The following IGSF23 variants were observed in gnomAD, a reference collection of about 807,000 sequenced individuals.
IGSF23 encodes the protein immunoglobulin superfamily, member 23.
IGSF23 carries 14 observed loss-of-function variants against 17.8 expected under a neutral mutation model. The observed-to-expected ratio is 0.79, with a 90% CI of 0.52 to 1.23. IGSF23 has a LOEUF of 1.23. Among genes scored for constraint, IGSF23 ranks in the 50% most tolerant of loss-of-function variants. The pLI is 0.00. For synonymous variants in IGSF23, 85 were observed against 92.5 expected, an observed-to-expected ratio of 0.92 and a Z score of 0.46; for missense variants, 214 against 241.7, an observed-to-expected ratio of 0.89 and a Z score of 0.76.
intron 1 of IGSF23, among the ~76,000 whole-genome samples, chr19:44,623,168 C>T (rs1015559757): frequency 2.6e-5 from 4 of 152,098 alleles, no homozygotes; most frequent in African/African-American, 9.7e-5. Context: ...GGCGAGGATT[C>T]AAGGACAGAT....
intron 3 of IGSF23, among the ~76,000 whole-genome samples, chr19:44,633,047 T>C (rs1972803518): frequency 6.6e-6 from 1 of 152,240 alleles, no homozygotes; most frequent in African/African-American, 2.4e-5. Flanking sequence ...TGGAAAACTT[T>C]ACCTTTCAAG....
chr19:44,633,253 G>C (rs1389906028), intron 3 of IGSF23, among the ~76,000 whole-genome samples: 1 of 152,150 alleles, frequency 6.6e-6, no homozygotes, highest in Non-Finnish European at 1.5e-5. Context: ...TTTACTCAGC[G>C]GCCACTGTTC....
intron 2 of IGSF23, 70 bp downstream of exon 2, chr19:44,624,042 T>A: frequency 1.5e-6 from 2 of 1,348,842 alleles, no homozygotes; most frequent in South Asian, 2.8e-5. Context: ...TGTGGCAGCC[T>A]CTATGATTCC....
intron 1 of IGSF23, among the ~76,000 whole-genome samples, chr19:44,619,782 G>A (rs772684757): frequency 5.3e-5 from 8 of 152,132 alleles, no homozygotes; most frequent in Admixed American, 1.3e-4. Flanking sequence ...AGTCAGGTTG[G>A]ATTAGGACCC....
intron 2 of IGSF23, among the ~76,000 whole-genome samples, chr19:44,625,408 A>C (rs1972622832): frequency 6.6e-6 from 1 of 152,202 alleles, no homozygotes; most frequent in Non-Finnish European, 1.5e-5. Flanking sequence ...GGTGGCAATC[A>C]AAATGACAGC....
intron 2 of IGSF23, among the ~76,000 whole-genome samples, chr19:44,626,475 A>C (rs846859): frequency 6.6e-6 from 1 of 152,022 alleles, no homozygotes; most frequent in Non-Finnish European, 1.5e-5. Context: ...CACAAGACTT[A>C]CAGTCCAGTG....
At chr19:44,625,033 C>T (rs1331159694) in intron 2 of IGSF23, among the ~76,000 whole-genome samples, 3 of 151,964 alleles carry the variant, frequency 2.0e-5, no homozygotes, top group African/African-American at 4.8e-5. Context: ...CACCACTGCA[C>T]ACCAGCCTGA....
chr19:44,631,894 G>A (rs1006952632), intron 3 of IGSF23, among the ~76,000 whole-genome samples: 2 of 152,190 alleles, frequency 1.3e-5, no homozygotes, highest in African/African-American at 4.8e-5. Flanking sequence ...CTTCCAGCGT[G>A]GGCGTCATGG....
Position 44,636,585 on chromosome 19 carries a change from C to T in IGSF23, c.*198C>T, listed in dbSNP as rs993337143. On this transcript the variant is annotated 3_prime_UTR_variant, in exon 5 of 5. Transcript: ENST00000402988. ...TCTGATGGGTTGACTCGGTGCCATC[C>T]TTGGTCCCATCGCCGTGACACGTTG... 3.9e-5 allele frequency: 6 copies of T among 152,178 alleles called. No individual in the cohort carries two copies. Among genetic ancestry groups the T allele is most frequent in the Admixed American group, 3.9e-4 (6 of 15,274 alleles). 9.4% of individuals were successfully genotyped at this position (152,178 alleles called of 1,614,324 possible).
At chr19:44,623,557 C>T in intron 1 of IGSF23, 150 bp from the exon 2 acceptor site, 1 of 840,448 alleles carries the variant, frequency 1.2e-6, no homozygotes, top group Non-Finnish European at 1.9e-6. Context: ...GCACTGGGCA[C>T]AGACCAGGCT....
chr19:44,624,763 T>C (rs1464615032), intron 2 of IGSF23, among the ~76,000 whole-genome samples: 3 of 151,622 alleles, frequency 2.0e-5, no homozygotes, highest in Non-Finnish European at 4.4e-5. Context: ...AAAATGCAGA[T>C]CAAAATCTAA....
intron 3 of IGSF23, among the ~76,000 whole-genome samples, chr19:44,633,649 T>C (rs1972818658): frequency 6.6e-6 from 1 of 152,222 alleles, no homozygotes; most frequent in South Asian, 2.1e-4. Context: ...GTGGGTTGAA[T>C]TGGCCACGTG....
intron 1 of IGSF23, 132 bp downstream of exon 1, chr19:44,613,902 T>G (rs1261132067): frequency 6.5e-7 from 1 of 1,548,644 alleles, no homozygotes; most frequent in East Asian, 2.4e-5. Flanking sequence ...AGACCTTCTC[T>G]GCACAGTCCC....
At chr19:44,622,078 C>T (rs1480042916) in intron 1 of IGSF23, among the ~76,000 whole-genome samples, 1 of 151,992 alleles carries the variant, frequency 6.6e-6, no homozygotes, top group Non-Finnish European at 1.5e-5. Flanking sequence ...TAAAATTAGC[C>T]GGATGTGGTG....
chr19:44,618,981 T>TA (rs34199985), intron 1 of IGSF23, among the ~76,000 whole-genome samples: 26,545 of 145,030 alleles, frequency 0.18, 2,342 homozygotes, highest in Middle Eastern at 0.32. Flanking sequence ...GTTATTTATT[T>TA]AAAAAAAAAA....
chr19:44,623,565 G>C (rs1421791253), intron 1 of IGSF23, 142 bp from the exon 2 acceptor site: 47 of 888,736 alleles, frequency 5.3e-5, no homozygotes, highest in Middle Eastern at 2.8e-4. Flanking sequence ...CACAGACCAG[G>C]CTCTTCAAAC....
intron 1 of IGSF23, among the ~76,000 whole-genome samples, chr19:44,623,205 C>T (rs773923202): frequency 5.3e-5 from 8 of 152,026 alleles, no homozygotes; most frequent in African/African-American, 9.7e-5. Flanking sequence ...GCAAGGAACT[C>T]GAGAGTGGGG....
Position 44,634,096 on chromosome 19 carries a change from C to T in IGSF23, c.546-1305C>T, listed in dbSNP as rs371771641. On this transcript the variant is annotated intron_variant, in intron 3 of 4. Coordinates refer to ENST00000402988, the MANE Select transcript of IGSF23 (RefSeq NM_001205280.2). ...GGGGGTTCCCCAGGCAGAAGGCTCACAGCTTTTGTGCAGCATAAATCTACT... is the reference window on the plus strand; with the variant it reads ...GGGGGTTCCCCAGGCAGAAGGCTCATAGCTTTTGTGCAGCATAAATCTACT... Among the ~76,000 whole-genome samples the T allele has an allele frequency of 4.6e-5, 7 of 152,320 alleles. No homozygotes were observed. In the East Asian group the frequency reaches 1.2e-3, roughly 25 times the overall value.
chr19:44,635,501 T>C (rs1223677326), intron 4 of IGSF23, 36 bp downstream of exon 4: 1 of 1,461,962 alleles, frequency 6.8e-7, no homozygotes, highest in Admixed American at 2.0e-5. Flanking sequence ...AATCCTAGGT[T>C]TGGGAACAGA....
Sources: allele counts gnomAD v4.1 joint callset (sites outside exome capture counted in the v4.1 genomes callset), GRCh38; gene constraint gnomAD v4.1.1; transcripts MANE v1.5; gene names NCBI Gene and HGNC (gene_info 2026-07-23, HGNC 2026-07-21).